CADM2: variants seen among roughly 807,000 people sequenced by gnomAD.
The protein encoded by CADM2 is cell adhesion molecule 2.
In CADM2, 12 loss-of-function variants were observed where a neutral mutation model predicts 49.8. That is an observed-to-expected ratio of 0.24 (90% CI 0.15 to 0.39). The LOEUF (loss-of-function observed/expected upper bound fraction) is 0.39. Ranked by LOEUF, CADM2 falls within the 10% of genes least tolerant of loss-of-function variation. The pLI, the probability that CADM2 is intolerant of heterozygous loss-of-function variation, is 1.00. For synonymous variants in CADM2, 214 were observed against 175.4 expected (o/e 1.22, Z -1.74); for missense variants, 378 against 492.3 (o/e 0.77, Z 2.20).
intron 7 of CADM2, among the ~76,000 whole-genome samples, chr3:85,936,424 T>G (rs1275387265): frequency 1.3e-5 from 2 of 151,802 alleles, no homozygotes; most frequent in African/African-American, 4.8e-5. Flanking sequence ...CTTTTGAAAT[T>G]TGTGTTTATA....
At position 85,580,329 on chromosome 3, in the gene CADM2, G is replaced by GA. The variant is rs1036947080; in HGVS notation, c.62-146184dup. The stretch of plus-strand genomic sequence containing the variant: ...TTAATATTTCTTTTGTTCCATTTAA[G>GA]AAAAAAAAATAAGAAGAAGAAATAA... On this transcript the variant is annotated intron_variant, in intron 1 of 9. Coordinates refer to ENST00000383699, the MANE Select transcript of CADM2 (RefSeq NM_001167675.2). Among the ~76,000 whole-genome samples, 36 of 150,324 alleles carry GA rather than the reference G, an allele frequency of 2.4e-4. No homozygotes were observed. The East Asian group carries it at 2.5e-3, about 11-fold the overall frequency.
chr3:85,699,683 G>C (rs1489268540), intron 1 of CADM2, among the ~76,000 whole-genome samples: 1 of 152,212 alleles, frequency 6.6e-6, no homozygotes, highest in African/African-American at 2.4e-5. Context: ...AGAGTCCTGG[G>C]CCTGGCCCAT....
chr3:85,756,480 T>C (rs2069128762), intron 2 of CADM2, among the ~76,000 whole-genome samples: 2 of 152,194 alleles, frequency 1.3e-5, no homozygotes, highest in African/African-American at 4.8e-5. Context: ...AATTAAATTT[T>C]ATTTGACATT....
At chr3:85,827,184 C>T (rs1443457182) in intron 3 of CADM2, among the ~76,000 whole-genome samples, 1 of 151,734 alleles carries the variant, frequency 6.6e-6, no homozygotes, top group Middle Eastern at 3.2e-3. Flanking sequence ...TAAAATTGAA[C>T]ATTTAAGTAA....
At position 85,237,902 on chromosome 3, in the gene CADM2, A is replaced by T. The variant is rs190058154; in HGVS notation, c.61+278234A>T. ...TTTTTTCTCTTAAAATTGAATTTCA[A>T]TGTTTTTATTTGATCATATATTTTT... On this transcript the variant is annotated intron_variant, in intron 1 of 9. Coordinates refer to ENST00000383699, the MANE Select transcript of CADM2 (RefSeq NM_001167675.2). Among the ~76,000 whole-genome samples, 386 of 151,970 alleles carry T rather than the reference A, an allele frequency of 2.5e-3. 1 individual carries two copies. Among genetic ancestry groups the T allele is most frequent in the African/African-American group, 8.9e-3 (371 of 41,518 alleles).
intron 1 of CADM2, among the ~76,000 whole-genome samples, chr3:85,464,060 A>G (rs952611543): frequency 3.3e-5 from 5 of 152,150 alleles, no homozygotes; most frequent in African/African-American, 1.2e-4. Flanking sequence ...AATGAAGCAG[A>G]AGAGTTCACT....
At chr3:85,897,533 T>C (rs1294800292) in intron 5 of CADM2, among the ~76,000 whole-genome samples, 1 of 151,228 alleles carries the variant, frequency 6.6e-6, no homozygotes, top group East Asian at 1.9e-4. Flanking sequence ...CCTCCCAAAG[T>C]GCTGGGATTA....
intron 2 of CADM2, among the ~76,000 whole-genome samples, chr3:85,792,295 G>T (rs1263446269): frequency 6.6e-6 from 1 of 151,962 alleles, no homozygotes; most frequent in Non-Finnish European, 1.5e-5. Context: ...CAAAATGAAG[G>T]GTCAAAATAC....
intron 1 of CADM2, among the ~76,000 whole-genome samples, chr3:85,269,763 A>G (rs1362171357): frequency 2.0e-5 from 3 of 151,368 alleles, no homozygotes; most frequent in African/African-American, 7.3e-5. Flanking sequence ...TTTGAGGCCG[A>G]ATCAATGCAA....
intron 1 of CADM2, among the ~76,000 whole-genome samples, chr3:84,982,012 G>C (rs1051888133): frequency 3.3e-5 from 5 of 152,106 alleles, no homozygotes; most frequent in African/African-American, 1.2e-4. Flanking sequence ...CTTTTAAACT[G>C]TGTCTTTTAA....
chr3:85,114,581 T>A (rs769774943), intron 1 of CADM2, among the ~76,000 whole-genome samples: 3 of 152,222 alleles, frequency 2.0e-5, no homozygotes, highest in Non-Finnish European at 4.4e-5. Flanking sequence ...ATATTGGCTA[T>A]TTCATTGATG....
At chr3:85,072,124 A>G (rs2107475921) in intron 1 of CADM2, among the ~76,000 whole-genome samples, 1 of 151,902 alleles carries the variant, frequency 6.6e-6, no homozygotes, top group Admixed American at 6.6e-5. Flanking sequence ...TTTCCAAATA[A>G]TAAGATTTAA....
chr3:85,200,609 G>A (rs570888682), intron 1 of CADM2, among the ~76,000 whole-genome samples: 1 of 152,142 alleles, frequency 6.6e-6, no homozygotes, highest in African/African-American at 2.4e-5. Flanking sequence ...ACAAATATGC[G>A]GATTGCTGGA....
intron 1 of CADM2, among the ~76,000 whole-genome samples, chr3:85,014,492 T>G (rs2034157337): frequency 1.3e-5 from 2 of 152,164 alleles, no homozygotes; most frequent in African/African-American, 4.8e-5. Context: ...ATAGTATACA[T>G]AGCATTTGGT....
chr3:85,763,184 T>C (rs143880568), intron 2 of CADM2, among the ~76,000 whole-genome samples: 95 of 152,274 alleles, frequency 6.2e-4, no homozygotes, highest in African/African-American at 2.3e-3. Flanking sequence ...TGGAGAGCAA[T>C]GAACCTGGAT....
chr3:85,194,016 G>T (rs1266268209), intron 1 of CADM2, among the ~76,000 whole-genome samples: 1 of 152,046 alleles, frequency 6.6e-6, no homozygotes, highest in African/African-American at 2.4e-5. Context: ...TTGCCAAGTG[G>T]TTTGTATAAC....
At chr3:85,597,037 T>C (rs2063264640) in intron 1 of CADM2, among the ~76,000 whole-genome samples, 1 of 152,052 alleles carries the variant, frequency 6.6e-6, no homozygotes, top group African/African-American at 2.4e-5. Flanking sequence ...TCTTGATATA[T>C]AAATAGGAAT....
intron 1 of CADM2, among the ~76,000 whole-genome samples, chr3:85,452,337 C>A (rs1030400961): frequency 6.6e-6 from 1 of 151,946 alleles, no homozygotes; most frequent in Non-Finnish European, 1.5e-5. Flanking sequence ...TCATCTTTGC[C>A]TTAAGAGATT....
At chr3:85,810,726 G>A (rs1455001768) in intron 3 of CADM2, among the ~76,000 whole-genome samples, 2 of 151,814 alleles carry the variant, frequency 1.3e-5, no homozygotes, top group African/African-American at 4.8e-5. Context: ...TTTTAGTAGA[G>A]AAGAGGTTTC....
Sources: gnomAD v4.1 joint callset for allele counts (sites outside exome capture counted in the v4.1 genomes callset) on GRCh38, gnomAD v4.1.1 for gene constraint, MANE v1.5 for transcripts, NCBI Gene and HGNC (gene_info 2026-07-23, HGNC 2026-07-21) for gene names.